HOMER1: variants seen among roughly 807,000 people sequenced by gnomAD.
HOMER1 encodes the protein homer scaffold protein 1.
A neutral mutation model predicts 48.9 loss-of-function variants in HOMER1; 3 were observed. That is an observed-to-expected ratio of 0.06 (90% confidence interval 0.03 to 0.16). HOMER1 has a LOEUF of 0.16. Ranked by LOEUF, HOMER1 falls within the 10% of genes least tolerant of loss-of-function variation. The pLI, the probability that HOMER1 is intolerant of heterozygous loss-of-function variation, is 1.00. For missense variants in HOMER1, 247 were observed against 411.4 expected, an observed-to-expected ratio of 0.60 and a Z score of 3.46; for synonymous variants, 134 against 146.4, an observed-to-expected ratio of 0.92 and a Z score of 0.61.
chr5:79,511,654 T>C (rs1314050128), intron 1 of HOMER1, among the ~76,000 whole-genome samples: 1 of 152,242 alleles, frequency 6.6e-6, no homozygotes, highest in Non-Finnish European at 1.5e-5. Context: ...AAAACCATTA[T>C]AACTTTGTCA....
At chr5:79,404,698 T>TTTTC (rs139502062) in intron 5 of HOMER1, among the ~76,000 whole-genome samples, 41 of 151,630 alleles carry the variant, frequency 2.7e-4, no homozygotes, top group East Asian at 1.6e-3. Context: ...ACATTCTGCC[T>TTTTC]TTTCTTTCTT....
At chr5:79,446,804 A>ATTTTTTTTTTTTT (rs35036295) in intron 4 of HOMER1, among the ~76,000 whole-genome samples, 1 of 101,732 alleles carries the variant, frequency 9.8e-6, no homozygotes, top group East Asian at 3.0e-4. Context: ...CACTTGGCTA[A>ATTTTTTTTTTTTT]TTTTTTTTTT....
In HOMER1 at chr5:79,376,201, C is replaced by T; in HGVS notation, c.877-4G>A. 1 of 1,608,054 alleles carries T rather than the reference C, an allele frequency of 6.2e-7. No homozygotes were observed. Among genetic ancestry groups the T allele is most frequent in the South Asian group, 1.1e-5 (1 of 90,118 alleles). On this transcript the variant is annotated splice_polypyrimidine_tract_variant and splice_region_variant and intron_variant, in intron 8 of 8. Transcript: ENST00000334082. ...CTTTGTTCCGAATTTCTACTTCCTT[C>T]AGAAACAAAAGTGTAACATGTATAT... is the stretch of plus-strand genomic sequence containing the variant.
chr5:79,435,853 G>A (rs531770222), intron 5 of HOMER1, among the ~76,000 whole-genome samples: 4 of 145,338 alleles, frequency 2.8e-5, no homozygotes, highest in Non-Finnish European at 4.5e-5. Context: ...TAGGCCGGGC[G>A]CGGTGGCTCA....
At chr5:79,423,940 A>T (rs887553587) in intron 5 of HOMER1, among the ~76,000 whole-genome samples, 2 of 152,102 alleles carry the variant, frequency 1.3e-5, no homozygotes, top group Non-Finnish European at 2.9e-5. Flanking sequence ...AGAGACCAAC[A>T]TGACAACAAT....
At chr5:79,394,033 C>T (rs944592792) in intron 8 of HOMER1, among the ~76,000 whole-genome samples, 3 of 152,046 alleles carry the variant, frequency 2.0e-5, no homozygotes, top group African/African-American at 7.2e-5. Flanking sequence ...TTGCTAAGTA[C>T]ATTTTTTGAA....
At chr5:79,484,830 C>T (rs1752051267) in intron 1 of HOMER1, among the ~76,000 whole-genome samples, 1 of 152,166 alleles carries the variant, frequency 6.6e-6, no homozygotes, top group Non-Finnish European at 1.5e-5. Context: ...AGACTGCACA[C>T]AATATCTGTT....
At chr5:79,455,969 A>G (rs1184740641) in intron 2 of HOMER1, among the ~76,000 whole-genome samples, 1 of 152,080 alleles carries the variant, frequency 6.6e-6, no homozygotes, top group African/African-American at 2.4e-5. Flanking sequence ...AGCCTGGCCA[A>G]CATGGTGAAA....
intron 5 of HOMER1, among the ~76,000 whole-genome samples, chr5:79,416,978 C>T (rs1486356394): frequency 6.6e-6 from 1 of 152,092 alleles, no homozygotes; most frequent in Admixed American, 6.5e-5. Flanking sequence ...GGTTGAGAGC[C>T]AGATCTAAGG....
intron 3 of HOMER1, among the ~76,000 whole-genome samples, chr5:79,449,867 T>G (rs141281498): frequency 1.1e-4 from 16 of 152,230 alleles, no homozygotes; most frequent in African/African-American, 3.6e-4. Context: ...AAACTATAAT[T>G]CATATCCAAA....
intron 1 of HOMER1, among the ~76,000 whole-genome samples, chr5:79,501,907 G>A (rs886370900): frequency 1.3e-5 from 2 of 151,910 alleles, no homozygotes; most frequent in Non-Finnish European, 2.9e-5. Context: ...TAGCACTAGA[G>A]TAACTACTTC....
intron 6 of HOMER1, among the ~76,000 whole-genome samples, chr5:79,401,361 A>C (rs1749533002): frequency 6.6e-6 from 1 of 152,164 alleles, no homozygotes; most frequent in African/African-American, 2.4e-5. Flanking sequence ...TTTACAGATG[A>C]GAATACTGAG....
intron 1 of HOMER1, among the ~76,000 whole-genome samples, chr5:79,457,668 CTT>C (rs1751209872): frequency 6.6e-6 from 1 of 152,134 alleles, no homozygotes; most frequent in Non-Finnish European, 1.5e-5. Context: ...AGCAAGGTGT[CTT>C]TAAGTAGAAA....
chr5:79,377,278 T>C (rs79562482), intron 8 of HOMER1, among the ~76,000 whole-genome samples: 4,455 of 152,290 alleles, frequency 0.029, 222 homozygotes, highest in African/African-American at 0.1. Flanking sequence ...TTACTGCTTT[T>C]AAAATTGTCT....
At chr5:79,428,686 A>G (rs1335856768) in intron 5 of HOMER1, among the ~76,000 whole-genome samples, 1 of 152,308 alleles carries the variant, frequency 6.6e-6, no homozygotes. Flanking sequence ...TTCATTTATA[A>G]TAGCACCAAA....
chr5:79,445,530 T>C (rs1187156542), intron 4 of HOMER1, among the ~76,000 whole-genome samples: 1 of 152,190 alleles, frequency 6.6e-6, no homozygotes, highest in African/African-American at 2.4e-5. Context: ...AGGTCCTTTG[T>C]TAAAAGAAAA....
At chr5:79,491,170 G>A (rs1031435980) in intron 1 of HOMER1, among the ~76,000 whole-genome samples, 11 of 136,226 alleles carry the variant, frequency 8.1e-5, no homozygotes, top group South Asian at 2.6e-4. Context: ...AGCAGCTCAC[G>A]CCTGTAATTC....
At chr5:79,506,116 ATTTATTTAT>A (rs1337579367) in intron 1 of HOMER1, among the ~76,000 whole-genome samples, 2 of 151,838 alleles carry the variant, frequency 1.3e-5, no homozygotes, top group Non-Finnish European at 2.9e-5. Context: ...TTATTTATTT[ATTTATTTAT>A]TTTTTTGAGA....
chr5:79,401,527 C>A (rs1444398059), intron 6 of HOMER1, among the ~76,000 whole-genome samples: 1 of 152,140 alleles, frequency 6.6e-6, no homozygotes, highest in African/African-American at 2.4e-5. Flanking sequence ...ACCGTCAACA[C>A]CCAAAGCTAA....
Sources: allele counts gnomAD v4.1 joint callset (sites outside exome capture counted in the v4.1 genomes callset), GRCh38; gene constraint gnomAD v4.1.1; transcripts MANE v1.5; gene names NCBI Gene and HGNC (gene_info 2026-07-23, HGNC 2026-07-21).